TTLL5: variants seen among roughly 807,000 people sequenced by gnomAD.
The protein encoded by TTLL5 is tubulin tyrosine ligase like 5.
A neutral mutation model predicts 168.4 loss-of-function variants in TTLL5; 132 were observed. The ratio of observed to expected loss-of-function variants is 0.78; its 90% confidence interval spans 0.68 to 0.91. The LOEUF (loss-of-function observed/expected upper bound fraction) is 0.91. TTLL5 is among the 40% of genes least tolerant of loss of function. TTLL5 has a pLI of 0.00. For missense variants in TTLL5, 1,545 were observed against 1,581.5 expected, an observed-to-expected ratio of 0.98 and a Z score of 0.39; for synonymous variants, 546 against 558.6, an observed-to-expected ratio of 0.98 and a Z score of 0.32.
rs543457221 is a variant in TTLL5, at chr14:75,920,716, C to T, written c.3823+18492C>T. 9.0e-4 allele frequency among the ~76,000 whole-genome samples: 137 copies of T among 152,306 alleles called. 1 individual carries two copies. The highest frequency in any genetic ancestry group is 3.2e-3 in the African/African-American group (133 of 41,556). ...TAGTGCTGCAGTAAACATACAAGTG[C>T]ATGTGTCTTTATAGTAGCATGATTT... On this transcript the variant is annotated intron_variant, in intron 31 of 31. Transcript: ENST00000298832.
At chr14:75,717,265 C>T (rs1887531224) in intron 9 of TTLL5, among the ~76,000 whole-genome samples, 1 of 152,050 alleles carries the variant, frequency 6.6e-6, no homozygotes, top group Non-Finnish European at 1.5e-5. Context: ...CAGGTGCACA[C>T]TACCACGCCT....
chr14:75,854,442 C>G lies in TTLL5; in HGVS notation c.3327-9225C>G, dbSNP rs1453634125. Among the ~76,000 whole-genome samples, 3 of 152,164 alleles carry G rather than the reference C, an allele frequency of 2.0e-5. No homozygotes were observed. The East Asian group carries it at 5.8e-4, about 29-fold the overall frequency. ...TAATGATAGGCATTAGGATTGGTTC[C>G]AGTTTTTGACTACTATGAATACAAA... On this transcript the variant is annotated intron_variant, in intron 28 of 31. Transcript: ENST00000298832.
intron 24 of TTLL5, among the ~76,000 whole-genome samples, chr14:75,780,423 G>A (rs1489591026): frequency 6.6e-6 from 1 of 152,034 alleles, no homozygotes; most frequent in African/African-American, 2.4e-5. Context: ...GGGGATTTTG[G>A]AATTGAATAT....
intron 26 of TTLL5, among the ~76,000 whole-genome samples, chr14:75,792,042 G>T (rs1230081043): frequency 6.6e-6 from 1 of 152,004 alleles, no homozygotes; most frequent in African/African-American, 2.4e-5. Context: ...CCAAGTAGCT[G>T]GGACTATAAG....
chr14:75,817,707 T>C (rs1894515315), intron 27 of TTLL5, among the ~76,000 whole-genome samples: 1 of 152,162 alleles, frequency 6.6e-6, no homozygotes, highest in South Asian at 2.1e-4. Flanking sequence ...CTTTCACTAC[T>C]GTTCTCTAGT....
At chr14:75,880,269 T>G (rs1032880424) in intron 29 of TTLL5, among the ~76,000 whole-genome samples, 2 of 152,252 alleles carry the variant, frequency 1.3e-5, no homozygotes, top group African/African-American at 4.8e-5. Context: ...CACTCATTAT[T>G]TCATTTGTAT....
intron 28 of TTLL5, among the ~76,000 whole-genome samples, chr14:75,855,657 C>G (rs1897092533): frequency 6.6e-6 from 1 of 152,154 alleles, no homozygotes; most frequent in African/African-American, 2.4e-5. Flanking sequence ...AGAAAGTTTT[C>G]CCAAATCTCT....
At chr14:75,896,025 A>C (rs985887264) in intron 30 of TTLL5, among the ~76,000 whole-genome samples, 2 of 152,202 alleles carry the variant, frequency 1.3e-5, no homozygotes, top group Non-Finnish European at 1.5e-5. Flanking sequence ...GGGGGAATAG[A>C]TAATATGCAG....
At chr14:75,741,050 G>C (rs1397610125) in intron 15 of TTLL5, among the ~76,000 whole-genome samples, 1 of 152,160 alleles carries the variant, frequency 6.6e-6, no homozygotes, top group African/African-American at 2.4e-5. Context: ...GTCATTTTCT[G>C]ATTCAACATC....
At chr14:75,954,252 C>CAAAAAA (rs56396876) in intron 31 of TTLL5, among the ~76,000 whole-genome samples, 172 bp from the exon 32 acceptor site, 1 of 74,520 alleles carries the variant, frequency 1.3e-5, no homozygotes, top group African/African-American at 5.3e-5. Flanking sequence ...GACTCCATCT[C>CAAAAAA]AAAAAAAAAA....
chr14:75,709,828 T>TAAAAAAAA (rs60209676), intron 9 of TTLL5: 14 of 39,888 alleles, frequency 3.5e-4, no homozygotes, highest in South Asian at 1.3e-3. Flanking sequence ...CCCATCTCAT[T>TAAAAAAAA]AAAAAAAAAA....
chr14:75,781,139 A>G (rs146914437), intron 24 of TTLL5, among the ~76,000 whole-genome samples: 1 of 152,296 alleles, frequency 6.6e-6, no homozygotes, highest in Non-Finnish European at 1.5e-5. Context: ...ACATTCATCT[A>G]GTAACTTCTC....
chr14:75,818,472 CATT>C (rs1894609561), intron 27 of TTLL5: 1 of 402,028 alleles, frequency 2.5e-6, no homozygotes, highest in South Asian at 1.8e-5. Context: ...GTTCCTATAT[CATT>C]ATTTTTCTTT....
chr14:75,730,190 T>G (rs1888442776), intron 12 of TTLL5, among the ~76,000 whole-genome samples: 1 of 152,228 alleles, frequency 6.6e-6, no homozygotes, highest in Non-Finnish European at 1.5e-5. Flanking sequence ...AATGTTTATG[T>G]AGACTTGTAG....
chr14:75,860,483 G>A (rs1196388750), intron 28 of TTLL5, among the ~76,000 whole-genome samples: 1 of 152,180 alleles, frequency 6.6e-6, no homozygotes, highest in Non-Finnish European at 1.5e-5. Context: ...GCTTTCTGTA[G>A]CTAGCAACTT....
intron 2 of TTLL5, among the ~76,000 whole-genome samples, chr14:75,663,686 G>T (rs1182284366): frequency 6.6e-6 from 1 of 152,170 alleles, no homozygotes; most frequent in Non-Finnish European, 1.5e-5. Flanking sequence ...TCTGAGGCAG[G>T]ATATTAGAGT....
intron 9 of TTLL5, chr14:75,710,179 A>G (rs1886968564): frequency 6.6e-6 from 1 of 152,144 alleles, no homozygotes; most frequent in South Asian, 2.1e-4. Context: ...TTCCAAAGAT[A>G]TTTTCACCTA....
chr14:75,732,398 ATC>A lies in TTLL5; in HGVS notation c.1110_1111del (p.Pro371PhefsTer5), dbSNP rs1566831299. 4 of 1,610,106 alleles carry A rather than the reference ATC, an allele frequency of 2.5e-6. No individual in the cohort carries two copies. The highest frequency in any genetic ancestry group is 2.2e-5 in the East Asian group (1 of 44,690). ...CTGAAGCCATGGTTGTTGGAAGTGAATCTCTCTCCTTCTTTGGCCTGGTAAGT... is the reference window on the plus strand; with the variant it reads ...CTGAAGCCATGGTTGTTGGAAGTGAATCTCTCCTTCTTTGGCCTGGTAAGT... On this transcript the variant is annotated frameshift_variant, in exon 13 of 32. Transcript: ENST00000298832. LOFTEE classifies it high-confidence loss of function.
chr14:75,779,248 T>A (rs1054397273), intron 23 of TTLL5, among the ~76,000 whole-genome samples: 1 of 152,236 alleles, frequency 6.6e-6, no homozygotes, highest in Non-Finnish European at 1.5e-5. Context: ...TGTGGGTGAC[T>A]ACTGAACACT....
Sources: gnomAD v4.1 joint callset for allele counts (sites outside exome capture counted in the v4.1 genomes callset) on GRCh38, gnomAD v4.1.1 for gene constraint, MANE v1.5 for transcripts, NCBI Gene and HGNC (gene_info 2026-07-23, HGNC 2026-07-21) for gene names.